Variants in ATG4C observed in about 807,000 individuals in gnomAD.
The protein encoded by ATG4C is cysteine protease ATG4C.
A neutral mutation model predicts 57.6 loss-of-function variants in ATG4C; 56 were observed. That is an observed-to-expected ratio of 0.97 (90% CI 0.78 to 1.21). ATG4C has a LOEUF of 1.21. ATG4C is among the 50% of genes most tolerant of loss of function. The pLI is 0.00. For synonymous variants in ATG4C, 157 were observed against 174.1 expected (o/e 0.90, Z 0.78); for missense variants, 595 against 529.8 (o/e 1.12, Z -1.21).
chr1:62,826,212 C>A (rs2100327702), intron 6 of ATG4C, among the ~76,000 whole-genome samples: 1 of 146,500 alleles, frequency 6.8e-6, no homozygotes, highest in Non-Finnish European at 1.5e-5. Flanking sequence ...CCTGGCCAAA[C>A]TGATCACCTC....
intron 1 of ATG4C, among the ~76,000 whole-genome samples, chr1:62,801,112 A>T (rs756878476): frequency 6.6e-6 from 1 of 152,222 alleles, no homozygotes; most frequent in Non-Finnish European, 1.5e-5. Flanking sequence ...CATATGCTGC[A>T]TGTGAAGTAG....
At chr1:62,854,109 CT>C (rs972499862) in intron 10 of ATG4C, among the ~76,000 whole-genome samples, 1 of 151,328 alleles carries the variant, frequency 6.6e-6, no homozygotes, top group Middle Eastern at 3.4e-3. Context: ...GAATTCCTTT[CT>C]TTTTTTGGAT....
At chr1:62,785,441 T>G (rs1664052010) in intron 1 of ATG4C, among the ~76,000 whole-genome samples, 1 of 152,202 alleles carries the variant, frequency 6.6e-6, no homozygotes, top group South Asian at 2.1e-4. Context: ...TAGCAAAAAG[T>G]CATTAAAAGC....
At chr1:62,796,398 G>A (rs1664469492) in intron 1 of ATG4C, among the ~76,000 whole-genome samples, 1 of 151,876 alleles carries the variant, frequency 6.6e-6, no homozygotes, top group South Asian at 2.1e-4. Flanking sequence ...AATTAACAAG[G>A]AATAATCCTC....
chr1:62,826,382 C>G (rs1665655934), intron 6 of ATG4C, among the ~76,000 whole-genome samples: 1 of 151,716 alleles, frequency 6.6e-6, no homozygotes, highest in South Asian at 2.1e-4. Flanking sequence ...ACTATAGGCG[C>G]CCGCCACCAT....
intron 3 of ATG4C, among the ~76,000 whole-genome samples, chr1:62,806,571 A>G (rs1664886833): frequency 6.6e-6 from 1 of 152,158 alleles, no homozygotes; most frequent in Admixed American, 6.6e-5. Flanking sequence ...TGAAAAGTAA[A>G]TGATAAAGAA....
chr1:62,836,710 C>T (rs1010411109), intron 9 of ATG4C, among the ~76,000 whole-genome samples: 2 of 151,920 alleles, frequency 1.3e-5, no homozygotes, highest in Admixed American at 6.6e-5. Flanking sequence ...ATTCTAAAAC[C>T]ACCCTTATAC....
chr1:62,807,784 C>G (rs1664929649), intron 3 of ATG4C, among the ~76,000 whole-genome samples: 1 of 152,078 alleles, frequency 6.6e-6, no homozygotes, highest in South Asian at 2.1e-4. Context: ...TCCTTGAGTT[C>G]TGTGAGTCAT....
At chr1:62,850,069 A>G (rs1021463277) in intron 10 of ATG4C, among the ~76,000 whole-genome samples, 5 of 152,148 alleles carry the variant, frequency 3.3e-5, no homozygotes, top group African/African-American at 1.2e-4. Flanking sequence ...TCATCCAAAG[A>G]AATTATGGTA....
intron 10 of ATG4C, among the ~76,000 whole-genome samples, chr1:62,858,337 A>G (rs1191117409): frequency 6.6e-6 from 1 of 152,224 alleles, no homozygotes; most frequent in East Asian, 1.9e-4. Flanking sequence ...TGGTTACACC[A>G]GAACAAAACT....
intron 1 of ATG4C, among the ~76,000 whole-genome samples, chr1:62,803,485 G>T (rs1277735839): frequency 6.6e-6 from 1 of 151,958 alleles, no homozygotes; most frequent in Non-Finnish European, 1.5e-5. Flanking sequence ...GTTTATTGTT[G>T]TATATTTGTT....
chr1:62,850,135 A>T (rs975089392), intron 10 of ATG4C, among the ~76,000 whole-genome samples: 2 of 152,170 alleles, frequency 1.3e-5, no homozygotes, highest in African/African-American at 4.8e-5. Context: ...TTGGTTACTA[A>T]ATAAATGACA....
At chr1:62,845,547 T>C (rs2100350350) in intron 10 of ATG4C, among the ~76,000 whole-genome samples, 1 of 152,298 alleles carries the variant, frequency 6.6e-6, no homozygotes, top group African/African-American at 2.4e-5. Flanking sequence ...ATTGTGTCTT[T>C]AATTTTAATA....
chr1:62,830,427 A>G (rs1274964645), intron 7 of ATG4C, among the ~76,000 whole-genome samples: 1 of 152,118 alleles, frequency 6.6e-6, no homozygotes, highest in Non-Finnish European at 1.5e-5. Context: ...TTAGAAACTG[A>G]TGCAGTCTTG....
chr1:62,864,754 C>T lies in ATG4C; in HGVS notation c.*595C>T, dbSNP rs1251630571. ...CTCCTCATTATGCTTGCTGTTGAAC[C>T]TTTTATGAGGAGTGAATATAAAGTA... On this transcript the variant is annotated 3_prime_UTR_variant, in exon 11 of 11. Transcript: ENST00000317868. 6.6e-6 allele frequency: 1 copy of T among 151,918 alleles called. No individual in the cohort carries two copies. The highest frequency in any genetic ancestry group is 2.4e-5 in the African/African-American group (1 of 41,388). 9.4% of individuals were successfully genotyped at this position (151,918 alleles called of 1,614,324 possible). A position where few individuals can be genotyped will look rare whatever the true frequency, so the allele number is the denominator to read the frequency against.
chr1:62,811,018 A>C (rs146078769), intron 3 of ATG4C, among the ~76,000 whole-genome samples: 47 of 152,196 alleles, frequency 3.1e-4, no homozygotes, highest in African/African-American at 1.1e-3. Flanking sequence ...GGAGTCACTC[A>C]TCTCTCATTT....
intron 1 of ATG4C, among the ~76,000 whole-genome samples, chr1:62,787,189 C>T (rs1664118892): frequency 6.6e-6 from 1 of 152,040 alleles, no homozygotes; most frequent in Non-Finnish European, 1.5e-5. Flanking sequence ...TATTTTTACC[C>T]TTTTGTGTCA....
intron 6 of ATG4C, among the ~76,000 whole-genome samples, chr1:62,823,304 T>C (rs756516147): frequency 1.6e-4 from 25 of 152,254 alleles, no homozygotes; most frequent in Non-Finnish European, 3.2e-4. Flanking sequence ...CCACCCCTTT[T>C]TCTTCCTATT....
At chr1:62,841,005 T>C (rs1266047675) in intron 9 of ATG4C, among the ~76,000 whole-genome samples, 1 of 152,220 alleles carries the variant, frequency 6.6e-6, no homozygotes, top group Non-Finnish European at 1.5e-5. Flanking sequence ...GTTTAAAAAG[T>C]CTCGATATCC....
Sources: gnomAD v4.1 joint callset for allele counts (sites outside exome capture counted in the v4.1 genomes callset) on GRCh38, gnomAD v4.1.1 for gene constraint, MANE v1.5 for transcripts, NCBI Gene and HGNC (gene_info 2026-07-23, HGNC 2026-07-21) for gene names.